The following ALK variants were observed in gnomAD, a reference collection of about 807,000 sequenced individuals.
ALK encodes the protein ALK tyrosine kinase receptor.
ALK carries 74 observed loss-of-function variants against 163.1 expected under a neutral mutation model. The ratio of observed to expected loss-of-function variants is 0.45; its 90% CI spans 0.38 to 0.55. The LOEUF is 0.55. Ranked by LOEUF, ALK falls within the 20% of genes least tolerant of loss-of-function variation. ALK has a pLI of 0.00. For missense variants in ALK, 2,063 were observed against 2,105.3 expected, an observed-to-expected ratio of 0.98 and a Z score of 0.39; for synonymous variants, 960 against 843.2, an observed-to-expected ratio of 1.14 and a Z score of -2.40.
intron 1 of ALK, among the ~76,000 whole-genome samples, chr2:29,879,182 G>A (rs753303128): frequency 1.3e-5 from 2 of 152,136 alleles, no homozygotes; most frequent in African/African-American, 2.4e-5. Flanking sequence ...CAGGACACAC[G>A]ATCCTGACCC....
chr2:29,195,837 T>C (rs1669009407), intron 28 of ALK, among the ~76,000 whole-genome samples: 2 of 150,956 alleles, frequency 1.3e-5, no homozygotes, highest in South Asian at 4.3e-4. Flanking sequence ...AGAAAGTGAA[T>C]ACAGGGAAGA....
chr2:29,861,106 A>G (rs973070864), intron 1 of ALK, among the ~76,000 whole-genome samples: 3 of 152,306 alleles, frequency 2.0e-5, no homozygotes, highest in African/African-American at 7.2e-5. Context: ...CACGAGGTCA[A>G]GGCTGCAGTG....
intron 8 of ALK, among the ~76,000 whole-genome samples, chr2:29,300,135 T>C (rs1666325746): frequency 1.3e-5 from 2 of 152,186 alleles, no homozygotes; most frequent in South Asian, 4.1e-4. Flanking sequence ...GGGGAGCCCA[T>C]GCAGGGTCAC....
chr2:29,254,578 T>C (rs1477746675), intron 11 of ALK, among the ~76,000 whole-genome samples: 7 of 152,192 alleles, frequency 4.6e-5, no homozygotes, highest in Non-Finnish European at 2.9e-5. Context: ...TGGATGTCTC[T>C]GCTGGCCAGC....
At chr2:29,711,960 A>T (rs1441844275) in intron 2 of ALK, among the ~76,000 whole-genome samples, 1 of 151,904 alleles carries the variant, frequency 6.6e-6, no homozygotes, top group East Asian at 1.9e-4. Flanking sequence ...TTTTATTCTG[A>T]CGTTTTTTCT....
At chr2:29,295,120 C>A (rs923407673) in intron 9 of ALK, among the ~76,000 whole-genome samples, 3 of 152,284 alleles carry the variant, frequency 2.0e-5, no homozygotes, top group African/African-American at 7.2e-5. Flanking sequence ...TCAAACCAAG[C>A]TGTCTTTTGT....
intron 3 of ALK, among the ~76,000 whole-genome samples, chr2:29,550,164 CA>C (rs1673677852): frequency 6.6e-6 from 1 of 152,180 alleles, no homozygotes; most frequent in Non-Finnish European, 1.5e-5. Flanking sequence ...TAGTCCCGAG[CA>C]ATATGTTAAC....
Position 29,919,942 on chromosome 2 carries a change from A to T in ALK, c.667+51T>A, listed in dbSNP as rs188788016. 474 of 1,596,434 alleles carry T rather than the reference A, an allele frequency of 3.0e-4. 3 individuals are homozygous for T. In the East Asian group the frequency reaches 0.01, roughly 35 times the overall value. ...GAAGATTATTTAATGGTTGCATATC[A>T]ATGTGACTAAAAACACTAAATCCCG... On this transcript the variant is annotated intron_variant, in intron 1 of 28. Transcript: ENST00000389048.
intron 9 of ALK, among the ~76,000 whole-genome samples, chr2:29,278,556 G>A (rs1665603981): frequency 6.6e-6 from 1 of 152,156 alleles, no homozygotes; most frequent in South Asian, 2.1e-4. Context: ...TCTCCCCATG[G>A]GAAACAGTCC....
chr2:29,372,126 C>T (rs956808320), intron 5 of ALK, among the ~76,000 whole-genome samples: 2 of 152,222 alleles, frequency 1.3e-5, no homozygotes, highest in African/African-American at 2.4e-5. Context: ...TTTGGGTTTG[C>T]ATGCTTTGGG....
intron 8 of ALK, among the ~76,000 whole-genome samples, chr2:29,297,698 CT>C (rs1420300548): frequency 1.3e-5 from 2 of 152,200 alleles, no homozygotes; most frequent in South Asian, 4.1e-4. Context: ...GAAGTTACAA[CT>C]GTGTTTTTCA....
At chr2:29,653,356 C>T (rs1677088208) in intron 3 of ALK, among the ~76,000 whole-genome samples, 1 of 152,258 alleles carries the variant, frequency 6.6e-6, no homozygotes, top group Admixed American at 6.5e-5. Flanking sequence ...TTCCCCAACT[C>T]CTTCTCCCTT....
At chr2:29,235,839 C>T (rs1378880057) in intron 13 of ALK, among the ~76,000 whole-genome samples, 1 of 130,450 alleles carries the variant, frequency 7.7e-6, no homozygotes, top group African/African-American at 2.8e-5. Context: ...ACTACAGGCA[C>T]AAGCTACCAG....
intron 4 of ALK, among the ~76,000 whole-genome samples, chr2:29,493,298 G>A (rs11689118): frequency 0.34 from 51,991 of 152,020 alleles, 10,739 homozygotes; most frequent in Non-Finnish European, 0.48. Flanking sequence ...GGCATCTCCA[G>A]TTGCCTTAAT....
intron 1 of ALK, among the ~76,000 whole-genome samples, chr2:29,918,197 C>G (rs1667887232): frequency 6.6e-6 from 1 of 152,158 alleles, no homozygotes; most frequent in Non-Finnish European, 1.5e-5. Context: ...AGAAATGAGC[C>G]CTTTTGCCTG....
chr2:29,567,679 G>T (rs79924381), intron 3 of ALK, among the ~76,000 whole-genome samples: 1 of 150,030 alleles, frequency 6.7e-6, no homozygotes, highest in Non-Finnish European at 1.5e-5. Flanking sequence ...CCCAAGGTGC[G>T]TCTGGCCACG....
intron 26 of ALK, among the ~76,000 whole-genome samples, chr2:29,199,902 C>T (rs1329583594): frequency 1.3e-5 from 2 of 152,174 alleles, no homozygotes; most frequent in African/African-American, 4.8e-5. Context: ...ATAGTTCCTT[C>T]ATCTTCTAAG....
intron 9 of ALK, among the ~76,000 whole-genome samples, chr2:29,284,111 T>A (rs1408289077): frequency 1.3e-5 from 2 of 152,100 alleles, no homozygotes; most frequent in African/African-American, 4.8e-5. Context: ...CTTAAAATAA[T>A]GAAAAGTCTT....
intron 4 of ALK, among the ~76,000 whole-genome samples, chr2:29,493,677 G>C (rs1305936599): frequency 6.6e-6 from 1 of 152,208 alleles, no homozygotes; most frequent in Admixed American, 6.5e-5. Context: ...CCTACTTCCC[G>C]AGGTTGTGGG....
Sources: gnomAD v4.1 joint callset for allele counts (sites outside exome capture counted in the v4.1 genomes callset) on GRCh38, gnomAD v4.1.1 for gene constraint, MANE v1.5 for transcripts, NCBI Gene and HGNC (gene_info 2026-07-23, HGNC 2026-07-21) for gene names.